SORCS3: variants seen among roughly 807,000 people sequenced by gnomAD.
SORCS3 encodes the protein VPS10 domain-containing receptor SorCS3.
SORCS3 carries 57 observed loss-of-function variants against 146.3 expected under a neutral mutation model. The observed-to-expected ratio is 0.39, with a 90% confidence interval of 0.31 to 0.49. The LOEUF is 0.49. Ranked by LOEUF, SORCS3 falls within the 20% of genes least tolerant of loss-of-function variation. The pLI, the probability that SORCS3 is intolerant of heterozygous loss-of-function variation, is 0.92. For synonymous variants in SORCS3, 653 were observed against 618.5 expected, an observed-to-expected ratio of 1.06 and a Z score of -0.83; for missense variants, 1,341 against 1,575.5, an observed-to-expected ratio of 0.85 and a Z score of 2.52.
intron 20 of SORCS3, among the ~76,000 whole-genome samples, chr10:105,230,649 T>G (rs2056760830): frequency 6.6e-6 from 1 of 152,148 alleles, no homozygotes; most frequent in Non-Finnish European, 1.5e-5. Context: ...AAATGCACAG[T>G]GGCTCTGATG....
rs565155706 is a variant in SORCS3 at position 105,210,676 on chromosome 10, TG to T, written c.2262-460del. Among the ~76,000 whole-genome samples the T allele has an allele frequency of 3.6e-4, 55 of 152,344 alleles. No homozygotes were observed. The East Asian group carries it at 0.01, about 28-fold the overall frequency. ...TTATTTTTAGGGAAATAGGGGCCTTTGTTTTATCTCATCAGGAAAAGTTTGA... is the reference window on the plus strand; with the variant it reads ...TTATTTTTAGGGAAATAGGGGCCTTTTTTTATCTCATCAGGAAAAGTTTGA... On this transcript the variant is annotated intron_variant, in intron 16 of 26. Coordinates refer to ENST00000369701, the MANE Select transcript of SORCS3 (RefSeq NM_014978.3).
intron 20 of SORCS3, among the ~76,000 whole-genome samples, chr10:105,238,053 A>G (rs1409987439): frequency 1.3e-5 from 2 of 152,188 alleles, no homozygotes; most frequent in African/African-American, 4.8e-5. Context: ...TATGTCCCCA[A>G]TAAGAAAGCA....
chr10:104,693,856 T>G (rs951830431), intron 1 of SORCS3, among the ~76,000 whole-genome samples: 3 of 152,198 alleles, frequency 2.0e-5, no homozygotes, highest in Admixed American at 2.0e-4. Flanking sequence ...TGCCAAAATG[T>G]GCATTCCTCT....
chr10:104,657,482 C>T (rs982186147), intron 1 of SORCS3, among the ~76,000 whole-genome samples: 2 of 152,206 alleles, frequency 1.3e-5, no homozygotes. Flanking sequence ...TAGCCTGCTA[C>T]ATACATGCTC....
intron 2 of SORCS3, among the ~76,000 whole-genome samples, chr10:104,849,819 G>T (rs1271371436): frequency 6.6e-6 from 1 of 152,174 alleles, no homozygotes; most frequent in African/African-American, 2.4e-5. Flanking sequence ...ACCTTTAGGA[G>T]GATGGGGTAC....
intron 1 of SORCS3, among the ~76,000 whole-genome samples, chr10:104,650,342 A>G (rs1316975871): frequency 6.6e-6 from 1 of 152,230 alleles, no homozygotes; most frequent in Admixed American, 6.5e-5. Context: ...TGTACCAGGA[A>G]TTGTTCCGAA....
intron 1 of SORCS3, among the ~76,000 whole-genome samples, chr10:104,707,968 T>C (rs2016358091): frequency 1.3e-5 from 2 of 152,102 alleles, no homozygotes; most frequent in Admixed American, 1.3e-4. Flanking sequence ...GATGAATGAG[T>C]TTCCATTGTA....
chr10:104,813,223 TCCTC>T (rs2017759020), intron 1 of SORCS3, among the ~76,000 whole-genome samples: 1 of 152,214 alleles, frequency 6.6e-6, no homozygotes, highest in African/African-American at 2.4e-5. Context: ...CTTTTGCTCT[TCCTC>T]AAGTGACCAG....
At chr10:104,956,828 G>A (rs2019497730) in intron 3 of SORCS3, among the ~76,000 whole-genome samples, 1 of 152,068 alleles carries the variant, frequency 6.6e-6, no homozygotes, top group African/African-American at 2.4e-5. Context: ...AAACCCAAAG[G>A]TGATGAGATT....
chr10:105,125,679 C>CCACACACA lies in SORCS3; in HGVS notation c.1213-13695_1213-13688dup, dbSNP rs71022752. 9.9e-3 allele frequency among the ~76,000 whole-genome samples: 1,436 copies of CCACACACA among 144,474 alleles called. 20 individuals carry two copies. The highest frequency in any genetic ancestry group is 0.035 in the African/African-American group (1,338 of 38,476). 94.8% of individuals were successfully genotyped at this position (144,474 alleles called of 152,430 possible). A position where few individuals can be genotyped will look rare whatever the true frequency, so the allele number is the denominator to read the frequency against. On this transcript the variant is annotated intron_variant, in intron 7 of 26. Transcript: ENST00000369701. Reference sequence around the variant, plus strand: ...ACATGCATGTTGCATCACTGAATATCCACACACACACACACACACACACAC... The same window carrying CCACACACA: ...ACATGCATGTTGCATCACTGAATATCCACACACACACACACACACACACACACACACAC...
chr10:104,645,285 G>A (rs900889076), intron 1 of SORCS3, among the ~76,000 whole-genome samples: 2 of 152,132 alleles, frequency 1.3e-5, no homozygotes, highest in East Asian at 3.9e-4. Flanking sequence ...ACACCCAGAG[G>A]GAGCCCAGTC....
rs1183026265 is a variant in SORCS3 at position 105,102,780 on chromosome 10, C to CTT, written c.1094-2592_1094-2591dup. 4.1e-3 allele frequency among the ~76,000 whole-genome samples: 380 copies of CTT among 92,510 alleles called. 37 individuals carry two copies. Among genetic ancestry groups the CTT allele is most frequent in the Middle Eastern group, 6.7e-3 (1 of 150 alleles). The allele number at this position is 92,510 out of a possible 152,430, so 60.7% of individuals were successfully genotyped here. ...TTTTATATTTAAATTACCTCTCAACCTTTTTTTTTTTTTTTTTTTTTTTTT... is the reference window on the plus strand; with the variant it reads ...TTTTATATTTAAATTACCTCTCAACCTTTTTTTTTTTTTTTTTTTTTTTTTTT... On this transcript the variant is annotated intron_variant, in intron 6 of 26. Coordinates refer to ENST00000369701, the MANE Select transcript of SORCS3 (RefSeq NM_014978.3).
intron 20 of SORCS3, among the ~76,000 whole-genome samples, chr10:105,228,461 TC>T (rs1172971632): frequency 2.0e-5 from 3 of 151,922 alleles, no homozygotes; most frequent in Admixed American, 2.0e-4. Flanking sequence ...TTTCTCTCTT[TC>T]CCTCTTGCTT....
chr10:104,928,546 C>A (rs772071445), intron 3 of SORCS3, among the ~76,000 whole-genome samples: 4 of 151,100 alleles, frequency 2.6e-5, no homozygotes, highest in Non-Finnish European at 4.4e-5. Flanking sequence ...TTTTCTTCAA[C>A]CAAGCAGAGA....
At chr10:105,062,551 G>C (rs946542415) in intron 5 of SORCS3, among the ~76,000 whole-genome samples, 2 of 152,132 alleles carry the variant, frequency 1.3e-5, no homozygotes, top group East Asian at 3.9e-4. Context: ...ATAGGGACCC[G>C]GTGTAGTGGG....
intron 1 of SORCS3, among the ~76,000 whole-genome samples, chr10:104,823,220 C>T (rs2017895392): frequency 2.0e-5 from 3 of 152,010 alleles, no homozygotes; most frequent in African/African-American, 7.2e-5. Flanking sequence ...AGGGAGGATG[C>T]ACAAGTTTGG....
At chr10:104,992,604 C>T (rs879551700) in intron 4 of SORCS3, among the ~76,000 whole-genome samples, 8 of 152,162 alleles carry the variant, frequency 5.3e-5, no homozygotes, top group Non-Finnish European at 1.0e-4. Context: ...AGCCTTTTAA[C>T]GTGGATCCTA....
intron 3 of SORCS3, among the ~76,000 whole-genome samples, chr10:104,966,689 A>G (rs148809955): frequency 3.9e-5 from 6 of 152,334 alleles, no homozygotes; most frequent in African/African-American, 1.4e-4. Context: ...TGACATATTC[A>G]TCAATGATAT....
At position 105,189,248 on chromosome 10, in the gene SORCS3, C is replaced by A. The variant is rs147226208; in HGVS notation, c.2010-10751C>A. Reference sequence around the variant, plus strand: ...CCCTAGTATTTCTGACTTTCACCCACGCAAGTGGCTCAATGAGCAGCATAG... The same window carrying A: ...CCCTAGTATTTCTGACTTTCACCCAAGCAAGTGGCTCAATGAGCAGCATAG... On this transcript the variant is annotated intron_variant, in intron 14 of 26. Transcript: ENST00000369701. Among the ~76,000 whole-genome samples the A allele has an allele frequency of 9.2e-3, 1,402 of 152,292 alleles. 26 individuals carry two copies. Among genetic ancestry groups the A allele is most frequent in the African/African-American group, 0.031 (1,309 of 41,570 alleles).
Sources: gnomAD v4.1 joint callset for allele counts (sites outside exome capture counted in the v4.1 genomes callset) on GRCh38, gnomAD v4.1.1 for gene constraint, MANE v1.5 for transcripts, NCBI Gene and HGNC (gene_info 2026-07-23, HGNC 2026-07-21) for gene names.